Variants in ERICH6 observed in about 807,000 individuals in gnomAD.
The protein encoded by ERICH6 is glutamate-rich protein 6.
Under a neutral mutation model 71.0 loss-of-function variants are expected in ERICH6, and 71 were observed. That is an observed-to-expected ratio of 1.00 (90% CI 0.83 to 1.22). The LOEUF is 1.22. Ranked by LOEUF, ERICH6 falls within the 50% of genes most tolerant of loss-of-function variation. ERICH6 has a pLI of 0.00. For synonymous variants in ERICH6, 262 were observed against 278.4 expected (o/e 0.94, Z 0.59); for missense variants, 808 against 797.2 (o/e 1.01, Z -0.16).
rs199517705 is a variant in ERICH6, at chr3:150,691,768, CTT to C, written c.554-5416_554-5415del. The stretch of plus-strand genomic sequence containing the variant: ...ACATCTGTGTATCCTTCTGTATGCA[CTT>C]TTAAAGTACTTGTGAGATTGAGTTA... On this transcript the variant is annotated intron_variant, in intron 3 of 13. Transcript: ENST00000295910. Among the ~76,000 whole-genome samples the C allele has an allele frequency of 2.4e-3, 359 of 152,006 alleles. 14 individuals carry two copies. Among genetic ancestry groups the C allele is most frequent in the Admixed American group, 0.021 (323 of 15,252 alleles).
At chr3:150,686,425 A>G in intron 3 of ERICH6, 71 bp from the exon 4 acceptor site, 2 of 1,290,114 alleles carry the variant, frequency 1.6e-6, no homozygotes, top group Admixed American at 2.0e-5. Context: ...AAGAAAATAC[A>G]TCTCTCAGAA....
chr3:150,665,262 T>C (rs1727365478), intron 13 of ERICH6, among the ~76,000 whole-genome samples: 1 of 152,020 alleles, frequency 6.6e-6, no homozygotes, highest in South Asian at 2.1e-4. Flanking sequence ...TTGGTGGTCA[T>C]GAGATATTCC....
chr3:150,679,759 G>A (rs1168437611), intron 9 of ERICH6, among the ~76,000 whole-genome samples: 1 of 152,106 alleles, frequency 6.6e-6, no homozygotes, highest in Non-Finnish European at 1.5e-5. Flanking sequence ...CCAGGTTCAG[G>A]TGATTCTCCT....
chr3:150,674,010 T>TA lies in ERICH6; in HGVS notation c.1288dup (p.Tyr430LeufsTer48). The stretch of plus-strand genomic sequence containing the variant: ...AGTCAGAAACTTGCTCCCATGTTTG[T>TA]AGTGCTTCTCTAAGAGCTCATTCCT... On this transcript the variant is annotated frameshift_variant, in exon 11 of 14. Transcript: ENST00000295910. LOFTEE classifies it high-confidence loss of function. The TA allele has an allele frequency of 1.2e-6, 2 of 1,614,166 alleles. No homozygotes were observed. Among genetic ancestry groups the TA allele is most frequent in the Non-Finnish European group, 1.7e-6 (2 of 1,180,010 alleles).
chr3:150,664,633 C>T (rs1038859014), intron 13 of ERICH6, among the ~76,000 whole-genome samples: 3 of 147,078 alleles, frequency 2.0e-5, no homozygotes, highest in Admixed American at 1.4e-4. Context: ...GGCAACAGAG[C>T]GAGACTCCAT....
chr3:150,679,035 C>CA (rs1160094551), intron 9 of ERICH6, among the ~76,000 whole-genome samples: 2,451 of 64,492 alleles, frequency 0.038, 144 homozygotes, highest in African/African-American at 0.072. Flanking sequence ...GACTCTGTCT[C>CA]AAAAAAAAAA....
chr3:150,660,432 G>A (rs561587335), intron 13 of ERICH6, among the ~76,000 whole-genome samples: 1 of 152,266 alleles, frequency 6.6e-6, no homozygotes, highest in East Asian at 1.9e-4. Flanking sequence ...GGATCACAAA[G>A]ATGCCTCAGA....
chr3:150,675,946 T>C (rs1457806518), intron 10 of ERICH6, among the ~76,000 whole-genome samples: 2 of 151,310 alleles, frequency 1.3e-5, no homozygotes, highest in African/African-American at 4.8e-5. Flanking sequence ...TTGAGATCAC[T>C]GGGATTCTTA....
intron 3 of ERICH6, among the ~76,000 whole-genome samples, chr3:150,690,115 T>C (rs1248760094): frequency 6.6e-6 from 1 of 152,248 alleles, no homozygotes; most frequent in Non-Finnish European, 1.5e-5. Flanking sequence ...GCATGGGCTT[T>C]GCCCAGAGCT....
intron 3 of ERICH6, among the ~76,000 whole-genome samples, chr3:150,690,440 T>A (rs1712390387): frequency 6.6e-6 from 1 of 152,192 alleles, no homozygotes; most frequent in Non-Finnish European, 1.5e-5. Flanking sequence ...CTATAAGATG[T>A]ACTTCTATTG....
intron 2 of ERICH6, 112 bp downstream of exon 2, chr3:150,702,009 A>G: frequency 1.3e-6 from 1 of 762,602 alleles, no homozygotes; most frequent in Non-Finnish European, 2.1e-6. Flanking sequence ...ACTTTTTAAA[A>G]TAAGTAAGTC....
At chr3:150,668,909 T>C (rs906999537) in intron 12 of ERICH6, among the ~76,000 whole-genome samples, 1 of 152,210 alleles carries the variant, frequency 6.6e-6, no homozygotes, top group African/African-American at 2.4e-5. Flanking sequence ...GTATCAACTG[T>C]CTATTGACAA....
At chr3:150,672,930 T>C (rs1346337241) in intron 11 of ERICH6, among the ~76,000 whole-genome samples, 1 of 151,752 alleles carries the variant, frequency 6.6e-6, no homozygotes, top group Non-Finnish European at 1.5e-5. Flanking sequence ...GATGCTGAGT[T>C]GGGGGGACTG....
At chr3:150,674,143 C>G in intron 10 of ERICH6, 102 bp from the exon 11 acceptor site, 1 of 891,350 alleles carries the variant, frequency 1.1e-6, no homozygotes, top group Non-Finnish European at 1.7e-6. Flanking sequence ...TCATACAAAT[C>G]AATTATTAAT....
In ERICH6 at chr3:150,698,406, A is replaced by G. The variant is rs368640708; in HGVS notation, c.553+385T>C. ...AAGGGAAATATACTGGAAAAGTTAA[A>G]GTTTTAATTATTACATTATCCACTT... On this transcript the variant is annotated intron_variant, in intron 3 of 13. Transcript: ENST00000295910. 2.5e-4 allele frequency among the ~76,000 whole-genome samples: 38 copies of G among 152,346 alleles called. 1 individual carries two copies. The highest frequency in any genetic ancestry group is 9.1e-4 in the African/African-American group (38 of 41,582).
intron 11 of ERICH6, among the ~76,000 whole-genome samples, chr3:150,670,510 C>A (rs1711498606): frequency 6.8e-6 from 1 of 147,798 alleles, no homozygotes; most frequent in Non-Finnish European, 1.5e-5. Context: ...AAAGTTCTAG[C>A]CATGGAAGTT....
At chr3:150,679,466 T>C (rs1020382668) in intron 9 of ERICH6, among the ~76,000 whole-genome samples, 141 of 152,092 alleles carry the variant, frequency 9.3e-4, no homozygotes, top group Non-Finnish European at 1.2e-3. Flanking sequence ...TTTCAGTAGC[T>C]CTGGGTGGTA....
At chr3:150,701,744 G>C (rs891720549) in intron 2 of ERICH6, among the ~76,000 whole-genome samples, 10 of 152,122 alleles carry the variant, frequency 6.6e-5, no homozygotes. Context: ...AAAAAGAAGA[G>C]AGAGAGAGGA....
chr3:150,702,063 T>C, intron 2 of ERICH6, 58 bp downstream of exon 2: 4 of 1,158,636 alleles, frequency 3.5e-6, no homozygotes, highest in Non-Finnish European at 5.0e-6. Context: ...AACATGTTTA[T>C]CCAAAAGGTA....
Sources: allele counts gnomAD v4.1 joint callset (sites outside exome capture counted in the v4.1 genomes callset), GRCh38; gene constraint gnomAD v4.1.1; transcripts MANE v1.5; gene names NCBI Gene and HGNC (gene_info 2026-07-23, HGNC 2026-07-21).